Variants in CEP170 observed in about 807,000 individuals in gnomAD.
CEP170 encodes the protein centrosomal protein of 170 kDa.
CEP170 carries 21 observed loss-of-function variants against 151.9 expected under a neutral mutation model. The observed-to-expected ratio is 0.14, with a 90% confidence interval of 0.10 to 0.20. The LOEUF (loss-of-function observed/expected upper bound fraction) is 0.20. Among genes scored for constraint, CEP170 ranks in the 10% least tolerant of loss-of-function variants. The pLI is 1.00. For missense variants in CEP170, 964 were observed against 1,892.9 expected (o/e 0.51, Z 9.11); for synonymous variants, 356 against 648.8 (o/e 0.55, Z 6.86).
chr1:243,234,551 G>C (rs1013455035), intron 1 of CEP170, among the ~76,000 whole-genome samples: 22 of 152,274 alleles, frequency 1.4e-4, no homozygotes, highest in African/African-American at 4.8e-5. Flanking sequence ...CTAAGGCATT[G>C]CATCAACTGG....
At chr1:243,155,240 T>C (rs1216177029) in intron 14 of CEP170, among the ~76,000 whole-genome samples, 2 of 152,190 alleles carry the variant, frequency 1.3e-5, no homozygotes, top group African/African-American at 2.4e-5. Flanking sequence ...GACAAGTGAA[T>C]AGTCTTTAAA....
At chr1:243,133,802 A>G (rs2054708689) in intron 17 of CEP170, among the ~76,000 whole-genome samples, 1 of 152,220 alleles carries the variant, frequency 6.6e-6, no homozygotes, top group African/African-American at 2.4e-5. Flanking sequence ...AACATGTACT[A>G]TATCTCACGT....
At chr1:243,201,511 TA>T (rs1319604156) in intron 4 of CEP170, among the ~76,000 whole-genome samples, 1 of 151,980 alleles carries the variant, frequency 6.6e-6, no homozygotes, top group Non-Finnish European at 1.5e-5. Context: ...CACTAAAGAG[TA>T]GAGGTCACAT....
At chr1:243,233,173 G>A (rs749010964) in intron 1 of CEP170, among the ~76,000 whole-genome samples, 21 of 152,132 alleles carry the variant, frequency 1.4e-4, no homozygotes, top group Non-Finnish European at 3.1e-4. Flanking sequence ...AGACACTTGG[G>A]TGTCAGATGG....
chr1:243,178,729 T>G (rs1421805697), intron 10 of CEP170, among the ~76,000 whole-genome samples: 1 of 152,096 alleles, frequency 6.6e-6, no homozygotes, highest in Non-Finnish European at 1.5e-5. Context: ...TTCTTCTTTT[T>G]TTTTTTTTGA....
intron 2 of CEP170, among the ~76,000 whole-genome samples, chr1:243,222,415 T>C (rs1395193648): frequency 6.6e-6 from 1 of 152,198 alleles, no homozygotes; most frequent in Non-Finnish European, 1.5e-5. Flanking sequence ...TGCTTTTAAG[T>C]TTCTTTTAAA....
Position 243,157,659 on chromosome 1 carries a change from A to C in CEP170, c.3677-1204T>G, listed in dbSNP as rs569917073. On this transcript the variant is annotated intron_variant, in intron 13 of 19. Coordinates refer to ENST00000366542, the MANE Select transcript of CEP170 (RefSeq NM_014812.3). ...TGACCCTAAGCTGCACAGAATCCAG[A>C]AATTCCTCCACTCTAATTTTATGCC... is the stretch of plus-strand genomic sequence containing the variant. Among the ~76,000 whole-genome samples, 27 of 152,328 alleles carry C rather than the reference A, an allele frequency of 1.8e-4. 1 individual carries two copies. The South Asian group carries it at 5.4e-3, about 30-fold the overall frequency.
chr1:243,242,854 T>C (rs778243942), intron 1 of CEP170, among the ~76,000 whole-genome samples: 1 of 152,084 alleles, frequency 6.6e-6, no homozygotes, highest in Non-Finnish European at 1.5e-5. Context: ...GCATGCGCCA[T>C]TGCGCCCAGC....
chr1:243,253,530 A>G (rs2066150190), intron 1 of CEP170, among the ~76,000 whole-genome samples: 1 of 152,230 alleles, frequency 6.6e-6, no homozygotes, highest in Non-Finnish European at 1.5e-5. Context: ...AGTTAGGAAG[A>G]GCTAAAGGCA....
rs1572089405 is a variant in CEP170 at position 243,126,049 on chromosome 1, A to G, written c.*400T>C. ...TTTAACAAATCTGTACAGATGAAGA[A>G]GTCCATTTCAGGGAGCAGCTTGGCA... On this transcript the variant is annotated 3_prime_UTR_variant, in exon 20 of 20. Transcript: ENST00000366542. 1 of 455,434 alleles carries G rather than the reference A, an allele frequency of 2.2e-6. No individual in the cohort carries two copies. Among genetic ancestry groups the G allele is most frequent in the East Asian group, 6.9e-5 (1 of 14,428 alleles). 28.2% of individuals were successfully genotyped at this position (455,434 alleles called of 1,614,324 possible).
intron 2 of CEP170, among the ~76,000 whole-genome samples, chr1:243,223,861 GA>G (rs1011100696): frequency 2.0e-5 from 3 of 150,942 alleles, no homozygotes; most frequent in African/African-American, 7.3e-5. Context: ...AGCAGCCAAT[GA>G]AAAAAAAATT....
intron 14 of CEP170, 111 bp from the exon 15 acceptor site, chr1:243,142,574 T>C: frequency 5.0e-6 from 4 of 799,718 alleles, no homozygotes; most frequent in South Asian, 2.0e-5. Flanking sequence ...TAAATATTTG[T>C]ACCCCAAATT....
chr1:243,189,493 T>C (rs1160962388), intron 8 of CEP170, among the ~76,000 whole-genome samples: 27 of 150,382 alleles, frequency 1.8e-4, no homozygotes, highest in African/African-American at 5.7e-4. Flanking sequence ...GAGGCGGAGC[T>C]TGCAGTGAGC....
At chr1:243,172,872 T>C (rs370823842) in intron 10 of CEP170, 26 bp from the exon 11 acceptor site, 1,643 of 1,519,644 alleles carry the variant, frequency 1.1e-3, no homozygotes, top group Non-Finnish European at 1.4e-3. Flanking sequence ...ATTTTATAAA[T>C]GAAAACGAAA....
At chr1:243,233,799 C>T (rs1429802246) in intron 1 of CEP170, among the ~76,000 whole-genome samples, 1 of 148,522 alleles carries the variant, frequency 6.7e-6, no homozygotes, top group Non-Finnish European at 1.5e-5. Flanking sequence ...ACATATCATT[C>T]AAATCGAGGA....
chr1:243,191,547 G>T, intron 7 of CEP170, 53 bp from the exon 8 acceptor site: 4 of 1,399,930 alleles, frequency 2.9e-6, no homozygotes, highest in Non-Finnish European at 3.9e-6. Flanking sequence ...TCTGGCACTT[G>T]AGGGAGTCTG....
intron 16 of CEP170, among the ~76,000 whole-genome samples, chr1:243,136,743 C>T (rs1309872293): frequency 6.6e-6 from 1 of 151,916 alleles, no homozygotes; most frequent in Non-Finnish European, 1.5e-5. Flanking sequence ...TGGTATTACT[C>T]CAGTTGAGAT....
intron 14 of CEP170, among the ~76,000 whole-genome samples, chr1:243,145,428 C>T (rs1312274148): frequency 2.0e-5 from 3 of 152,184 alleles, no homozygotes; most frequent in African/African-American, 7.2e-5. Context: ...GCGTGCACCA[C>T]CACGCCCGGC....
chr1:243,178,923 T>TC (rs1181754343), intron 10 of CEP170, among the ~76,000 whole-genome samples: 2 of 152,172 alleles, frequency 1.3e-5, no homozygotes, highest in East Asian at 3.9e-4. Flanking sequence ...TTTCACCGTG[T>TC]TAGCCAGGAT....
Sources: allele counts gnomAD v4.1 joint callset (sites outside exome capture counted in the v4.1 genomes callset), GRCh38; gene constraint gnomAD v4.1.1; transcripts MANE v1.5; gene names NCBI Gene and HGNC (gene_info 2026-07-23, HGNC 2026-07-21).